Variants in SYT9 observed in about 807,000 individuals in gnomAD.
The protein encoded by SYT9 is synaptotagmin-9.
In SYT9, 22 loss-of-function variants were observed where a neutral mutation model predicts 48.4. The ratio of observed to expected loss-of-function variants is 0.45; its 90% confidence interval spans 0.32 to 0.65. The LOEUF (loss-of-function observed/expected upper bound fraction) is 0.65, where lower values mean the gene tolerates loss of function less well. SYT9 is among the 30% of genes least tolerant of loss of function. SYT9 has a pLI of 0.03. For synonymous variants in SYT9, 265 were observed against 245.0 expected (o/e 1.08, Z -0.76); for missense variants, 577 against 622.0 (o/e 0.93, Z 0.77).
intron 6 of SYT9, among the ~76,000 whole-genome samples, chr11:7,432,555 A>C (rs1847596961): frequency 1.7e-4 from 1 of 5,902 alleles, no homozygotes; most frequent in Non-Finnish European, 2.9e-4. Flanking sequence ...CTCAAAAAAA[A>C]AAAAAAAAAA....
chr11:7,433,654 T>G (rs112066568), intron 6 of SYT9, among the ~76,000 whole-genome samples: 4,245 of 152,232 alleles, frequency 0.028, 212 homozygotes, highest in African/African-American at 0.096. Flanking sequence ...TGAATGGGAT[T>G]AGTGCCCTTA....
intron 1 of SYT9, among the ~76,000 whole-genome samples, chr11:7,299,850 C>T (rs1299365042): frequency 6.6e-6 from 1 of 151,998 alleles, no homozygotes; most frequent in African/African-American, 2.4e-5. Flanking sequence ...GGTCAGGGGT[C>T]CTATGGTTAC....
intron 1 of SYT9, among the ~76,000 whole-genome samples, chr11:7,258,916 C>T (rs1470380424): frequency 6.6e-6 from 1 of 152,014 alleles, no homozygotes; most frequent in Non-Finnish European, 1.5e-5. Context: ...GCTGTGTGTT[C>T]CTGGACAAGT....
chr11:7,348,923 C>A (rs1197068297), intron 3 of SYT9, among the ~76,000 whole-genome samples: 1 of 151,754 alleles, frequency 6.6e-6, no homozygotes, highest in African/African-American at 2.4e-5. Context: ...GAAAAGAAAG[C>A]TGAACTCCTC....
At chr11:7,314,832 T>G (rs1197616664) in intron 3 of SYT9, among the ~76,000 whole-genome samples, 1 of 152,252 alleles carries the variant, frequency 6.6e-6, no homozygotes, top group Non-Finnish European at 1.5e-5. Context: ...GTAGCTCTCT[T>G]TCTCTGCCAT....
intron 6 of SYT9, among the ~76,000 whole-genome samples, chr11:7,466,461 G>A (rs1007937941): frequency 3.3e-5 from 5 of 152,210 alleles, no homozygotes; most frequent in South Asian, 2.1e-4. Flanking sequence ...AGTGACTCAC[G>A]CCTGTAATCC....
chr11:7,308,783 C>T (rs760329188), intron 2 of SYT9, among the ~76,000 whole-genome samples: 1 of 152,168 alleles, frequency 6.6e-6, no homozygotes, highest in South Asian at 2.1e-4. Flanking sequence ...CACCTTCCAC[C>T]CCATTTGACA....
At position 7,418,083 on chromosome 11, in the gene SYT9, A is replaced by G; in HGVS notation, c.1292A>G (p.Asn431Ser). 1 of 1,614,020 alleles carries G rather than the reference A, an allele frequency of 6.2e-7. No individual in the cohort carries two copies. The highest frequency in any genetic ancestry group is 8.5e-7 in the Non-Finnish European group (1 of 1,180,024). ...EAIVFDVPPE[N>S]IDQIHLSIAV... ...ATAGTCTTTGATGTCCCTCCCGAGA[A>G]CATTGACCAAATCCACTTGTCCATA... The change falls in exon 5 of 7, where the codon AAC becomes AGC. Residue 431 changes from asparagine to serine, a missense_variant. By Grantham distance (46) the Asn-to-Ser change is conservative (BLOSUM62 1). Transcript: ENST00000318881.
In SYT9 at chr11:7,252,250, C is replaced by T. The variant is rs1452493137; in HGVS notation, c.64C>T (p.Arg22Cys). 1 of 1,506,388 alleles carries T rather than the reference C, an allele frequency of 6.6e-7. No individual in the cohort carries two copies. The highest frequency in any genetic ancestry group is 2.2e-5 in the Admixed American group (1 of 45,036). 93.3% of individuals were successfully genotyped at this position (1,506,388 alleles called of 1,614,324 possible). A position where few individuals can be genotyped will look rare whatever the true frequency, so the allele number is the denominator to read the frequency against. Residue 22 changes from arginine to cysteine, a missense_variant, in exon 1 of 7, where the codon CGT becomes TGT. Coordinates refer to ENST00000318881, the MANE Select transcript of SYT9 (RefSeq NM_175733.4). The surrounding 1 kb of genome is among the most constrained non-coding windows in gnomAD (Gnocchi z 6.3). ...GCAGCTGCTGGCCGAGCTCTGTGCC[C>T]GTGGGGCCCTGGAGCACGACAGCTG... Reference protein sequence around the residue: ...ALQLLAELCARGALEHDSCQD... With the variant: ...ALQLLAELCACGALEHDSCQD...
At chr11:7,416,285 T>A (rs1847246755) in intron 4 of SYT9, 123 bp downstream of exon 4, 1 of 1,145,884 alleles carries the variant, frequency 8.7e-7, no homozygotes, top group South Asian at 1.5e-5. Context: ...TTAGCCCTAG[T>A]CCTAACACCT....
intron 6 of SYT9, among the ~76,000 whole-genome samples, chr11:7,447,624 C>T (rs1031594769): frequency 6.6e-6 from 1 of 152,204 alleles, no homozygotes; most frequent in African/African-American, 2.4e-5. Flanking sequence ...ACTGAATCAA[C>T]TATGAGTTCC....
At chr11:7,339,411 T>C (rs184065826) in intron 3 of SYT9, among the ~76,000 whole-genome samples, 2 of 152,202 alleles carry the variant, frequency 1.3e-5, no homozygotes, top group African/African-American at 2.4e-5. Flanking sequence ...TAGCTGGTTG[T>C]TACGCCAGCT....
At chr11:7,362,949 C>CTTTTTTTTTTTTTTTTTTTTTTT in intron 3 of SYT9, among the ~76,000 whole-genome samples, 1 of 17,880 alleles carries the variant, frequency 5.6e-5, no homozygotes, top group Non-Finnish European at 1.1e-4. Flanking sequence ...ATTTATTGGC[C>CTTTTTTTTTTTTTTTTTTTTTTT]TTTTTTTTTT....
At chr11:7,418,793 G>C (rs1402983462) in intron 5 of SYT9, among the ~76,000 whole-genome samples, 1 of 152,136 alleles carries the variant, frequency 6.6e-6, no homozygotes, top group Non-Finnish European at 1.5e-5. Flanking sequence ...TTGAAAAACA[G>C]TCATTTTAAT....
intron 3 of SYT9, among the ~76,000 whole-genome samples, chr11:7,367,208 A>C (rs1850268048): frequency 6.9e-6 from 1 of 145,448 alleles, no homozygotes; most frequent in Non-Finnish European, 1.5e-5. Flanking sequence ...CAGCCTCCCG[A>C]GTAGCTGGAA....
chr11:7,459,916 C>G (rs2134157449), intron 6 of SYT9, among the ~76,000 whole-genome samples: 1 of 152,248 alleles, frequency 6.6e-6, no homozygotes, highest in South Asian at 2.1e-4. Context: ...CCCACTGGTA[C>G]CTTGACTTCA....
At chr11:7,244,243 T>G (rs1847770051) in intron 1 of SYT9, among the ~76,000 whole-genome samples, 1 of 152,204 alleles carries the variant, frequency 6.6e-6, no homozygotes, top group Admixed American at 6.5e-5. Flanking sequence ...AACTTTATAA[T>G]TGTCCATCAT....
chr11:7,397,928 T>G (rs981592151), intron 3 of SYT9, among the ~76,000 whole-genome samples: 4 of 152,222 alleles, frequency 2.6e-5, no homozygotes, highest in Non-Finnish European at 5.9e-5. Flanking sequence ...CATTGGAAGT[T>G]AAGATGATTT....
chr11:7,410,936 C>T (rs1847126232), intron 3 of SYT9, among the ~76,000 whole-genome samples: 12 of 152,152 alleles, frequency 7.9e-5, no homozygotes. Flanking sequence ...CTCACTGCAA[C>T]CTCTGCCTCC....
Sources: allele counts gnomAD v4.1 joint callset (sites outside exome capture counted in the v4.1 genomes callset), GRCh38; gene constraint gnomAD v4.1.1; non-coding constraint Gnocchi (gnomAD v3.1); transcripts MANE v1.5; gene names NCBI Gene and HGNC (gene_info 2026-07-23, HGNC 2026-07-21).